LINC00237: variants seen among roughly 807,000 people sequenced by gnomAD.
LINC00237 encodes the protein long intergenic non-protein coding RNA 237.
intron 2 of LINC00237, among the ~76,000 whole-genome samples, chr20:21,092,569 T>G (rs1304773670): frequency 6.6e-6 from 1 of 152,196 alleles, no homozygotes; most frequent in Non-Finnish European, 1.5e-5. Flanking sequence ...AGATAATTCC[T>G]CTCTGTTATG....
At chr20:21,097,387 A>G (rs1806265102) in intron 1 of LINC00237, among the ~76,000 whole-genome samples, 1 of 152,302 alleles carries the variant, frequency 6.6e-6, no homozygotes, top group Admixed American at 6.5e-5. Flanking sequence ...CATTAAAAAA[A>G]GGGGGCAATG....
chr20:21,091,724 T>TC (rs1277150426), intron 2 of LINC00237, among the ~76,000 whole-genome samples: 1 of 152,210 alleles, frequency 6.6e-6, no homozygotes, highest in East Asian at 1.9e-4. Context: ...TAATGAGTTT[T>TC]CCGCAGCAGG....
In LINC00237 at chr20:21,086,080, C is replaced by A. The variant is rs148811173; in HGVS notation, n.560-192G>T. ...GTCTCGTAAAGGGACTCTAAGCAAA[C>A]GCTGCTTAAACTTTGTCTCAGAAGG... On this transcript the variant is annotated intron_variant and non_coding_transcript_variant, in intron 3 of 3. Coordinates refer to ENST00000691244, the Ensembl canonical transcript of LINC00237. 4.6e-5 allele frequency among the ~76,000 whole-genome samples: 7 copies of A among 152,272 alleles called. No homozygotes were observed. The East Asian group carries it at 1.2e-3, about 25-fold the overall frequency.
intron 1 of LINC00237, among the ~76,000 whole-genome samples, chr20:21,098,723 G>T (rs2030890730): frequency 2.0e-5 from 3 of 152,150 alleles, no homozygotes; most frequent in Admixed American, 2.0e-4. Flanking sequence ...AATGGGTGAG[G>T]TGTATACATC....
At chr20:21,102,382 C>T (rs909558444) in intron 1 of LINC00237, among the ~76,000 whole-genome samples, 3 of 152,194 alleles carry the variant, frequency 2.0e-5, no homozygotes, top group Admixed American at 2.0e-4. Flanking sequence ...CCCACAACCC[C>T]CTGCTCCCTG....
chr20:21,102,010 C>G (rs552528753), intron 1 of LINC00237, among the ~76,000 whole-genome samples: 154 of 152,378 alleles, frequency 1.0e-3, no homozygotes, highest in African/African-American at 3.5e-3. Context: ...GGCGGATACG[C>G]AAGGCCAGAC....
chr20:21,098,737 CAT>C (rs1175448389), intron 1 of LINC00237, among the ~76,000 whole-genome samples: 1 of 152,200 alleles, frequency 6.6e-6, no homozygotes, highest in African/African-American at 2.4e-5. Flanking sequence ...ATACATCAAA[CAT>C]GTGGGAATGT....
intron 2 of LINC00237, chr20:21,093,242 T>C (rs2030814764): frequency 6.6e-6 from 1 of 152,192 alleles, no homozygotes; most frequent in South Asian, 2.1e-4. Flanking sequence ...AAGCCTTTGA[T>C]TGATAGACTA....
chr20:21,092,940 C>A (rs1237411630), intron 2 of LINC00237: 1 of 152,096 alleles, frequency 6.6e-6, no homozygotes, highest in East Asian at 1.9e-4. Context: ...AAGTCACCCA[C>A]CTTTACAGAT....
chr20:21,103,994 C>T (rs1238734413), intron 1 of LINC00237, among the ~76,000 whole-genome samples: 1 of 151,998 alleles, frequency 6.6e-6, no homozygotes, highest in Non-Finnish European at 1.5e-5. Context: ...TATCCCACCC[C>T]CTCCCCACCT....
At chr20:21,089,522 TCTC>T (rs2030763171) in intron 2 of LINC00237, among the ~76,000 whole-genome samples, 1 of 152,150 alleles carries the variant, frequency 6.6e-6, no homozygotes, top group Non-Finnish European at 1.5e-5. Flanking sequence ...GCCTCTTTCT[TCTC>T]TTCGCTGGGC....
chr20:21,087,135 CAT>C, intron 3 of LINC00237, among the ~76,000 whole-genome samples: 1 of 150,860 alleles, frequency 6.6e-6, no homozygotes, highest in African/African-American at 2.4e-5. Flanking sequence ...GAGAGACAGA[CAT>C]AGAGATAGAG....
chr20:21,088,091 G>C (rs2030738848), intron 2 of LINC00237: 1 of 152,180 alleles, frequency 6.6e-6, no homozygotes, highest in Admixed American at 6.6e-5. Flanking sequence ...TGCAAGTTGA[G>C]GGTGGAGCTG....
intron 2 of LINC00237, among the ~76,000 whole-genome samples, chr20:21,088,835 A>T (rs928851578): frequency 3.9e-5 from 6 of 152,144 alleles, no homozygotes; most frequent in Admixed American, 1.3e-4. Context: ...CAATGATGAA[A>T]TATACATAAA....
intron 2 of LINC00237, among the ~76,000 whole-genome samples, chr20:21,091,700 C>G (rs1046780805): frequency 5.3e-5 from 8 of 152,198 alleles, no homozygotes; most frequent in Non-Finnish European, 1.2e-4. Context: ...CTGTTGCCAT[C>G]AAGAATGGCT....
chr20:21,088,650 A>G (rs2030746287), intron 2 of LINC00237, among the ~76,000 whole-genome samples: 1 of 152,232 alleles, frequency 6.6e-6, no homozygotes, highest in South Asian at 2.1e-4. Context: ...ACACAGGGAA[A>G]TGTGGATTTA....
chr20:21,097,833 C>T (rs576223182), intron 1 of LINC00237, among the ~76,000 whole-genome samples: 1 of 152,250 alleles, frequency 6.6e-6, no homozygotes, highest in Non-Finnish European at 1.5e-5. Context: ...AAAAGCCAAG[C>T]ATTTATCAGG....
intron 1 of LINC00237, among the ~76,000 whole-genome samples, chr20:21,095,750 T>C (rs1294364696): frequency 1.3e-5 from 2 of 152,218 alleles, no homozygotes; most frequent in African/African-American, 2.4e-5. Context: ...CTTACCTGTC[T>C]ACATCAGCGT....
intron 1 of LINC00237, among the ~76,000 whole-genome samples, chr20:21,103,274 G>A (rs1194197544): frequency 1.3e-5 from 2 of 152,220 alleles, no homozygotes; most frequent in Non-Finnish European, 2.9e-5. Flanking sequence ...CCTTGGGGTG[G>A]CTGGGGCTGT....
Sources: allele counts gnomAD v4.1 joint callset (sites outside exome capture counted in the v4.1 genomes callset), GRCh38; gene constraint gnomAD v4.1.1; transcripts MANE v1.5; gene names NCBI Gene and HGNC (gene_info 2026-07-23, HGNC 2026-07-21).